The following RBKS variants were observed in gnomAD, a reference collection of about 807,000 sequenced individuals.
RBKS encodes ribokinase.
In RBKS, 33 loss-of-function variants were observed where a neutral mutation model predicts 33.9. That is an observed-to-expected ratio of 0.97 (90% CI 0.74 to 1.30). The LOEUF (loss-of-function observed/expected upper bound fraction) is 1.30, where lower values mean the gene tolerates loss of function less well. Among genes scored for constraint, RBKS ranks in the 50% most tolerant of loss-of-function variants. The pLI is 0.00. For synonymous variants in RBKS, 125 were observed against 143.0 expected (o/e 0.87, Z 0.90); for missense variants, 361 against 392.6 (o/e 0.92, Z 0.68).
chr2:27,858,622 A>G, intron 1 of RBKS, 51 bp from the exon 2 acceptor site: 1 of 1,550,382 alleles, frequency 6.5e-7, no homozygotes, highest in Non-Finnish European at 8.8e-7. Flanking sequence ...ACTGTAATCA[A>G]TTTAAGTTCT....
chr2:27,783,984 T>C (rs1401995090), intron 7 of RBKS, among the ~76,000 whole-genome samples: 10 of 79,020 alleles, frequency 1.3e-4, no homozygotes, highest in South Asian at 1.1e-3. Flanking sequence ...TCTTTTTTTT[T>C]TTTTTTTTTT....
rs1677316299 is a variant in RBKS, at chr2:27,782,833, G to A, written c.796-1045C>T. 1.7e-5 allele frequency: 4 copies of A among 238,308 alleles called. No individual in the cohort carries two copies. In the South Asian group the frequency reaches 1.9e-4, roughly 11 times the overall value. The allele number at this position is 238,308 out of a possible 1,614,324, so 14.8% of individuals were successfully genotyped here. A position where few individuals can be genotyped will look rare whatever the true frequency, so the allele number is the denominator to read the frequency against. ...CATGTATTCCACTCTTAAGGGTTGG[G>A]GAATTATTCCCTGAAGTTATGCTCT... On this transcript the variant is annotated intron_variant, in intron 7 of 7. Coordinates refer to ENST00000302188, the MANE Select transcript of RBKS (RefSeq NM_022128.3).
intron 1 of RBKS, chr2:27,861,664 G>A (rs1056717641): frequency 1.4e-5 from 3 of 215,470 alleles, no homozygotes; most frequent in Non-Finnish European, 2.8e-5. Flanking sequence ...ATTTCTTTTT[G>A]GGGGGGGGGT....
intron 4 of RBKS, among the ~76,000 whole-genome samples, chr2:27,844,818 T>A (rs1663590478): frequency 6.6e-6 from 1 of 152,234 alleles, no homozygotes. Context: ...CTAGACAATT[T>A]AAAATTCCAC....
chr2:27,788,871 G>C (rs917718109), intron 7 of RBKS, among the ~76,000 whole-genome samples: 1 of 152,138 alleles, frequency 6.6e-6, no homozygotes, highest in African/African-American at 2.4e-5. Flanking sequence ...AACAAATGGT[G>C]AGAGTTTCAA....
chr2:27,863,621 T>C (rs1664031836), intron 1 of RBKS, among the ~76,000 whole-genome samples: 1 of 152,246 alleles, frequency 6.6e-6, no homozygotes, highest in Non-Finnish European at 1.5e-5. Context: ...CATGCTAATA[T>C]TGGCTTCAGC....
chr2:27,830,001 C>A (rs1678389921), intron 6 of RBKS, among the ~76,000 whole-genome samples: 1 of 152,112 alleles, frequency 6.6e-6, no homozygotes, highest in Non-Finnish European at 1.5e-5. Context: ...CTTTTAGTAT[C>A]CATGACCCAC....
intron 7 of RBKS, among the ~76,000 whole-genome samples, chr2:27,788,781 G>A (rs1278975771): frequency 6.6e-6 from 1 of 152,160 alleles, no homozygotes; most frequent in Non-Finnish European, 1.5e-5. Context: ...TAAAAATGAA[G>A]TATTTAAGGC....
At chr2:27,845,140 G>A (rs1663598919) in intron 4 of RBKS, among the ~76,000 whole-genome samples, 1 of 152,220 alleles carries the variant, frequency 6.6e-6, no homozygotes, top group Non-Finnish European at 1.5e-5. Context: ...CTCTGTTGGA[G>A]TCAGCTGCTG....
intron 2 of RBKS, among the ~76,000 whole-genome samples, chr2:27,853,470 G>A (rs541967283): frequency 1.4e-4 from 22 of 151,796 alleles, no homozygotes; most frequent in African/African-American, 5.3e-4. Context: ...ACCAGCCTGG[G>A]CAACATGGCA....
At chr2:27,808,815 C>T (rs1160662978) in intron 7 of RBKS, among the ~76,000 whole-genome samples, 1 of 152,194 alleles carries the variant, frequency 6.6e-6, no homozygotes, top group Non-Finnish European at 1.5e-5. Context: ...ACAGACATGC[C>T]TGATCCTTTC....
intron 2 of RBKS, among the ~76,000 whole-genome samples, chr2:27,857,173 C>A (rs144401508): frequency 6.6e-6 from 1 of 152,292 alleles, no homozygotes; most frequent in African/African-American, 2.4e-5. Context: ...TGAAAAATGA[C>A]ATTTCGAGAA....
chr2:27,864,986 C>T (rs977472116), intron 1 of RBKS, among the ~76,000 whole-genome samples: 3 of 152,224 alleles, frequency 2.0e-5, no homozygotes, highest in Non-Finnish European at 4.4e-5. Context: ...GTCTCTGAAT[C>T]TCTCCACAGG....
intron 7 of RBKS, among the ~76,000 whole-genome samples, chr2:27,811,262 T>C (rs1318256486): frequency 6.6e-6 from 1 of 152,208 alleles, no homozygotes; most frequent in Non-Finnish European, 1.5e-5. Flanking sequence ...TCTAGCTGTA[T>C]GGACTATGCA....
At chr2:27,825,304 T>C (rs1006814364) in intron 7 of RBKS, among the ~76,000 whole-genome samples, 2 of 152,244 alleles carry the variant, frequency 1.3e-5, no homozygotes, top group African/African-American at 2.4e-5. Flanking sequence ...AGAATTAGCA[T>C]TTACATTGTT....
intron 6 of RBKS, among the ~76,000 whole-genome samples, chr2:27,830,546 T>C (rs1025575307): frequency 6.6e-6 from 1 of 152,094 alleles, no homozygotes; most frequent in Non-Finnish European, 1.5e-5. Flanking sequence ...TTACAGGCGT[T>C]AGCCACCGCG....
chr2:27,791,692 TAC>T (rs1451413023), intron 7 of RBKS, among the ~76,000 whole-genome samples: 5 of 151,616 alleles, frequency 3.3e-5, no homozygotes, highest in South Asian at 2.1e-4. Flanking sequence ...CATATACATA[TAC>T]ATATACGTAT....
Position 27,810,805 on chromosome 2 carries a change from TAC to T in RBKS, c.795+16760_795+16761del, listed in dbSNP as rs1677975247. Among the ~76,000 whole-genome samples the T allele has an allele frequency of 6.6e-6, 1 of 152,166 alleles. No homozygotes were observed. Among genetic ancestry groups the T allele is most frequent in the Non-Finnish European group, 1.5e-5 (1 of 68,026 alleles). ...TGCCACCATCTCTCACCCAGATCAA[TAC>T]GACAGTCTCTGGACTGTTCTCCCTG... On this transcript the variant is annotated intron_variant, in intron 7 of 7. Coordinates refer to ENST00000302188, the MANE Select transcript of RBKS (RefSeq NM_022128.3). The surrounding 1 kb of genome is among the most constrained non-coding windows in gnomAD (Gnocchi z 4.4).
chr2:27,806,163 C>T (rs1321557501), intron 7 of RBKS, among the ~76,000 whole-genome samples: 5 of 152,160 alleles, frequency 3.3e-5, no homozygotes, highest in African/African-American at 7.2e-5. Flanking sequence ...GGATTAAAGG[C>T]GTGAGCCACC....
Sources: gnomAD v4.1 joint callset for allele counts (sites outside exome capture counted in the v4.1 genomes callset) on GRCh38, gnomAD v4.1.1 for gene constraint, Gnocchi (gnomAD v3.1) non-coding constraint, MANE v1.5 for transcripts, NCBI Gene and HGNC (gene_info 2026-07-23, HGNC 2026-07-21) for gene names.